MRPL11: variants seen among roughly 807,000 people sequenced by gnomAD.
MRPL11 encodes large ribosomal subunit protein uL11m.
Under a neutral mutation model 19.1 loss-of-function variants are expected in MRPL11, and 21 were observed. That is an observed-to-expected ratio of 1.10 (90% CI 0.78 to 1.58). The LOEUF is 1.58. Among genes scored for constraint, MRPL11 ranks in the 40% most tolerant of loss-of-function variants. The pLI, the probability that MRPL11 is intolerant of heterozygous loss-of-function variation, is 0.00. For synonymous variants in MRPL11, 108 were observed against 99.7 expected, an observed-to-expected ratio of 1.08 and a Z score of -0.49; for missense variants, 242 against 243.9, an observed-to-expected ratio of 0.99 and a Z score of 0.05.
In MRPL11 at chr11:66,438,278, G is replaced by C. The variant is rs147930041; in HGVS notation, c.124-19C>G. Reference sequence around the variant, plus strand: ...CGCCTCTCTGTGAGGGAAGCAGAGGGGGTTAGTGGTGAGAGGAGGGGACGG... The same window carrying C: ...CGCCTCTCTGTGAGGGAAGCAGAGGCGGTTAGTGGTGAGAGGAGGGGACGG... On this transcript the variant is annotated intron_variant, in intron 1 of 4. Transcript: ENST00000310999. The C allele has an allele frequency of 1.3e-6, 2 of 1,591,904 alleles. No homozygotes were observed. The highest frequency in any genetic ancestry group is 1.3e-5 in the African/African-American group (1 of 74,594).
chr11:66,437,093 A>T lies in MRPL11; in HGVS notation c.473+11T>A. On this transcript the variant is annotated intron_variant, in intron 4 of 4. Coordinates refer to ENST00000310999, the MANE Select transcript of MRPL11 (RefSeq NM_016050.5). ...GCCCTCTCGTCACACTGCACATGCC[A>T]GGATACTTACTCCTTCACCACGCGA... is the stretch of plus-strand genomic sequence containing the variant. 6.2e-7 allele frequency: 1 copy of T among 1,613,188 alleles called. No individual in the cohort carries two copies. Among genetic ancestry groups the T allele is most frequent in the Non-Finnish European group, 8.5e-7 (1 of 1,179,614 alleles).
In MRPL11 at chr11:66,435,792, T is replaced by A. The variant is rs931607266; in HGVS notation, c.*215A>T. Reference sequence around the variant, plus strand: ...GTCTGCCCATATTGGCTACCACCAGTACTGGTTCCCTTCCCTGAGGTCCCA... The same window carrying A: ...GTCTGCCCATATTGGCTACCACCAGAACTGGTTCCCTTCCCTGAGGTCCCA... On this transcript the variant is annotated 3_prime_UTR_variant, in exon 5 of 5. Coordinates refer to ENST00000310999, the MANE Select transcript of MRPL11 (RefSeq NM_016050.5). 32 of 538,116 alleles carry A rather than the reference T, an allele frequency of 5.9e-5. No individual in the cohort carries two copies. Among genetic ancestry groups the A allele is most frequent in the Non-Finnish European group, 1.0e-4 (31 of 296,302 alleles). The allele number at this position is 538,116 out of a possible 1,614,324, so 33.3% of individuals were successfully genotyped here.
Position 66,438,761 on chromosome 11 carries a change from G to A in MRPL11, c.-7C>T, listed in dbSNP as rs115560381. 2.5e-3 allele frequency: 3,844 copies of A among 1,544,304 alleles called. 94 individuals carry two copies. In the African/African-American group the frequency reaches 0.049, roughly 20 times the overall value. Reference sequence around the variant, plus strand: ...CCCGGCCGAGCTTTGACATGATGCGGGGCTGCTGGCTTCAGTTCACCTCAG... The same window carrying A: ...CCCGGCCGAGCTTTGACATGATGCGAGGCTGCTGGCTTCAGTTCACCTCAG... On this transcript the variant is annotated 5_prime_UTR_variant, in exon 1 of 5. Transcript: ENST00000310999.
Position 66,436,030 on chromosome 11 carries a change from G to C in MRPL11, c.556C>G (p.Gln186Glu). ...AAQKEADLAAQEEAAKK is the reference protein window; with the variant it reads ...AAQKEADLAAEEEAAKK ...GGTCACTTCTTGGCAGCTTCTTCTT[G>C]GGCAGCCAAATCTGCCTCCTTCTGA... The change falls in exon 5 of 5, where the codon CAA (glutamine) becomes GAA (glutamate). Residue 186 changes from glutamine to glutamate, a missense_variant. Transcript: ENST00000310999. The C allele has an allele frequency of 6.2e-7, 1 of 1,613,692 alleles. No individual in the cohort carries two copies. Among genetic ancestry groups the C allele is most frequent in the Non-Finnish European group, 8.5e-7 (1 of 1,179,802 alleles).
rs536563828 is a variant in MRPL11 at position 66,438,541 on chromosome 11, C to T, written c.123+91G>A. 5 of 1,461,272 alleles carry T rather than the reference C, an allele frequency of 3.4e-6. No homozygotes were observed. The South Asian group carries it at 5.7e-5, about 17-fold the overall frequency. The allele number at this position is 1,461,272 out of a possible 1,614,324, so 90.5% of individuals were successfully genotyped here. A position where few individuals can be genotyped will look rare whatever the true frequency, so the allele number is the denominator to read the frequency against. ...GCAGAGCCGAGCTCTGAACCGAGGC[C>T]CGGGTGGTTCCAGGGCCAGCGCCCT... On this transcript the variant is annotated intron_variant, in intron 1 of 4. Coordinates refer to ENST00000310999, the MANE Select transcript of MRPL11 (RefSeq NM_016050.5).
intron 4 of MRPL11, among the ~76,000 whole-genome samples, chr11:66,436,587 G>A (rs1429709764): frequency 6.6e-6 from 1 of 152,134 alleles, no homozygotes; most frequent in Non-Finnish European, 1.5e-5. Flanking sequence ...CTTGACATGG[G>A]ATGTAACACA....
At chr11:66,436,680 A>C (rs1856977104) in intron 4 of MRPL11, 2 of 689,484 alleles carry the variant, frequency 2.9e-6, no homozygotes, top group East Asian at 5.0e-5. Flanking sequence ...CCAACATCTT[A>C]CTTCAATGAA....
intron 4 of MRPL11, among the ~76,000 whole-genome samples, chr11:66,436,455 G>A (rs1029143420): frequency 6.6e-6 from 1 of 151,936 alleles, no homozygotes; most frequent in Non-Finnish European, 1.5e-5. Flanking sequence ...TCTCTCCCAG[G>A]ACAGGGGTCA....
At position 66,438,204 on chromosome 11, in the gene MRPL11, A is replaced by T; in HGVS notation, c.179T>A (p.Ile60Asn). The T allele has an allele frequency of 1.2e-6, 2 of 1,614,064 alleles. No homozygotes were observed. Among genetic ancestry groups the T allele is most frequent in the Non-Finnish European group, 1.7e-6 (2 of 1,179,932 alleles). ...GGTAGGCAGAGGAATGCCTTCCTTG[A>T]TGTCCTTTGTCCTCTCATTGAACTC... Reference protein sequence around the residue: ...CKEFNERTKDIKEGIPLPTKI... With the variant: ...CKEFNERTKDNKEGIPLPTKI... The change falls in exon 2 of 5, where the codon ATC becomes AAC. Residue 60 changes from isoleucine (I) to asparagine (N), a missense_variant. Coordinates refer to ENST00000310999, the MANE Select transcript of MRPL11 (RefSeq NM_016050.5).
Position 66,438,653 on chromosome 11 carries a change from TG to T in MRPL11, c.101del (p.Pro34HisfsTer2). 6.4e-7 allele frequency: 1 copy of T among 1,558,666 alleles called. No homozygotes were observed. Among genetic ancestry groups the T allele is most frequent in the Non-Finnish European group, 8.7e-7 (1 of 1,150,274 alleles). ...VRAGLAMPGP[P>X]LGPVLGQRGV... ...GCACCTGACCCAGCACTGGGCCTAG[TG>T]GGGGCCCGGGCATGGCCAGGCCTGC... On this transcript the variant is annotated frameshift_variant, in exon 1 of 5. Transcript: ENST00000310999. LOFTEE classifies it high-confidence loss of function.
chr11:66,438,623 C>T lies in MRPL11; in HGVS notation c.123+9G>A. Reference sequence around the variant, plus strand: ...CAACCCCCACGTCGGGTTCCCGCCACGGCCGCACCTGACCCAGCACTGGGC... The same window carrying T: ...CAACCCCCACGTCGGGTTCCCGCCATGGCCGCACCTGACCCAGCACTGGGC... On this transcript the variant is annotated intron_variant, in intron 1 of 4. Coordinates refer to ENST00000310999, the MANE Select transcript of MRPL11 (RefSeq NM_016050.5). 2 of 1,502,306 alleles carry T rather than the reference C, an allele frequency of 1.3e-6. No individual in the cohort carries two copies. Among genetic ancestry groups the T allele is most frequent in the Non-Finnish European group, 1.8e-6 (2 of 1,125,476 alleles). The allele number at this position is 1,502,306 out of a possible 1,614,324, so 93.1% of individuals were successfully genotyped here. A position where few individuals can be genotyped will look rare whatever the true frequency, so the allele number is the denominator to read the frequency against.
At chr11:66,438,408 G>A (rs1426143567) in intron 1 of MRPL11, 149 bp from the exon 2 acceptor site, 2 of 875,918 alleles carry the variant, frequency 2.3e-6, no homozygotes, top group Non-Finnish European at 3.6e-6. Context: ...CCAGAAGATC[G>A]TACGCATCTT....
rs996484280 is a variant in MRPL11 at position 66,435,203 on chromosome 11, C to T, written c.*804G>A. 1 of 152,170 alleles carries T rather than the reference C, an allele frequency of 6.6e-6. No homozygotes were observed. The highest frequency in any genetic ancestry group is 2.4e-5 in the African/African-American group (1 of 41,426). The allele number at this position is 152,170 out of a possible 1,614,324, so 9.4% of individuals were successfully genotyped here. A position where few individuals can be genotyped will look rare whatever the true frequency, so the allele number is the denominator to read the frequency against. On this transcript the variant is annotated 3_prime_UTR_variant, in exon 5 of 5. Transcript: ENST00000310999. ...TCAGTAAATGCGAATCTCCTTTCTC[C>T]CCCAACTCCTGCTCTCTTCTCTGAA...
chr11:66,435,099 T>C lies in MRPL11; in HGVS notation c.*908A>G, dbSNP rs2134656971. The C allele has an allele frequency of 6.6e-6, 1 of 152,338 alleles. No individual in the cohort carries two copies. Among genetic ancestry groups the C allele is most frequent in the East Asian group, 1.9e-4 (1 of 5,192 alleles). 9.4% of individuals were successfully genotyped at this position (152,338 alleles called of 1,614,324 possible). A position where few individuals can be genotyped will look rare whatever the true frequency, so the allele number is the denominator to read the frequency against. On this transcript the variant is annotated 3_prime_UTR_variant, in exon 5 of 5. Transcript: ENST00000310999. ...CTGGGTGGTGGGATAACATGAGGTT[T>C]TTATTTTCTTTTAGGTGTTTATCTA...
intron 2 of MRPL11, 130 bp from the exon 3 acceptor site, chr11:66,437,573 A>C: frequency 1.2e-6 from 1 of 843,652 alleles, no homozygotes; most frequent in Middle Eastern, 2.4e-4. Context: ...ACAGAATCAC[A>C]AGAAAAAAAT....
chr11:66,437,166 C>G lies in MRPL11; in HGVS notation c.411G>C (p.Leu137=), dbSNP rs377478010. Residue 137 remains leucine, a synonymous_variant, in exon 4 of 5, where the codon CTG becomes CTC. Transcript: ENST00000310999. ...DEAFALQDVP[L]SSVVRSIIGS... ...CGATGATGGAGCGGACAACAGACGACAGGGGTACATCCTGCAGGGCAAATG... is the reference window on the plus strand; with the variant it reads ...CGATGATGGAGCGGACAACAGACGAGAGGGGTACATCCTGCAGGGCAAATG... 20 of 1,614,114 alleles carry G rather than the reference C, an allele frequency of 1.2e-5. No individual in the cohort carries two copies. The African/African-American group carries it at 2.7e-4, about 22-fold the overall frequency.
At chr11:66,436,686 A>G in intron 4 of MRPL11, 3 of 709,276 alleles carry the variant, frequency 4.2e-6, no homozygotes, top group South Asian at 3.5e-5. Context: ...TCTTACTTCA[A>G]TGAAACAATT....
At chr11:66,438,559 A>G in intron 1 of MRPL11, 73 bp downstream of exon 1, 1 of 1,484,180 alleles carries the variant, frequency 6.7e-7, no homozygotes, top group Non-Finnish European at 8.9e-7. Flanking sequence ...TTCCAGGGCC[A>G]GCGCCCTCCA....
intron 4 of MRPL11, among the ~76,000 whole-genome samples, chr11:66,436,595 A>G (rs956253995): frequency 9.9e-5 from 15 of 152,260 alleles, no homozygotes; most frequent in African/African-American, 3.6e-4. Context: ...GGGATGTAAC[A>G]CAGCAGCAAG....
Sources: allele counts gnomAD v4.1 joint callset (sites outside exome capture counted in the v4.1 genomes callset), GRCh38; gene constraint gnomAD v4.1.1; transcripts MANE v1.5; gene names NCBI Gene and HGNC (gene_info 2026-07-23, HGNC 2026-07-21).